WAC: variants seen among roughly 807,000 people sequenced by gnomAD.
The protein encoded by WAC is WW domain containing adaptor with coiled-coil, also known as WW domain-containing adapter protein with coiled-coil.
Under a neutral mutation model 79.6 loss-of-function variants are expected in WAC, and 11 were observed. The ratio of observed to expected loss-of-function variants is 0.14; its 90% CI spans 0.09 to 0.23. WAC has a LOEUF of 0.23. Ranked by LOEUF, WAC falls within the 10% of genes least tolerant of loss-of-function variation. WAC has a pLI of 1.00. For synonymous variants in WAC, 304 were observed against 276.9 expected (o/e 1.10, Z -0.97); for missense variants, 728 against 773.5 (o/e 0.94, Z 0.70).
chr10:28,575,334 A>G (rs1448412567), intron 3 of WAC, among the ~76,000 whole-genome samples: 2 of 152,060 alleles, frequency 1.3e-5, no homozygotes, highest in Non-Finnish European at 2.9e-5. Flanking sequence ...TTTTGTTTGT[A>G]TATATGATGT....
chr10:28,569,230 C>T (rs1312410458), intron 3 of WAC, among the ~76,000 whole-genome samples: 2 of 152,114 alleles, frequency 1.3e-5, no homozygotes, highest in Admixed American at 6.6e-5. Context: ...TAAAATAGTA[C>T]TGCAGTTTTT....
chr10:28,557,065 GT>G (rs56371219), intron 3 of WAC, among the ~76,000 whole-genome samples: 10 of 145,738 alleles, frequency 6.9e-5, no homozygotes, highest in South Asian at 2.2e-4. Flanking sequence ...AATTTTGGGA[GT>G]TTTTTTTTTT....
chr10:28,615,261 T>G (rs1841423367), intron 11 of WAC: 1 of 152,250 alleles, frequency 6.6e-6, no homozygotes, highest in African/African-American at 2.4e-5. Flanking sequence ...TTTTCCTGTT[T>G]TTTATTTCAT....
At chr10:28,569,004 G>T (rs1012597731) in intron 3 of WAC, among the ~76,000 whole-genome samples, 1 of 152,200 alleles carries the variant, frequency 6.6e-6, no homozygotes, top group Non-Finnish European at 1.5e-5. Context: ...CATTGTACAT[G>T]TGGAGTTGCT....
At chr10:28,576,238 C>G (rs187809527) in intron 3 of WAC, among the ~76,000 whole-genome samples, 2 of 152,096 alleles carry the variant, frequency 1.3e-5, no homozygotes, top group Non-Finnish European at 2.9e-5. Context: ...AATAATGTTA[C>G]GTGTAATTTT....
intron 13 of WAC, 155 bp downstream of exon 13, chr10:28,617,939 C>A: frequency 1.1e-6 from 1 of 892,426 alleles, no homozygotes. Context: ...GTTAATATTT[C>A]TCGTGAAGGA....
At chr10:28,579,897 A>G (rs1336155353) in intron 3 of WAC, among the ~76,000 whole-genome samples, 1 of 152,198 alleles carries the variant, frequency 6.6e-6, no homozygotes, top group Non-Finnish European at 1.5e-5. Context: ...GCATCTTTCT[A>G]GTTGGAATGT....
intron 3 of WAC, among the ~76,000 whole-genome samples, chr10:28,539,024 A>G (rs952323735): frequency 6.6e-5 from 10 of 152,148 alleles, no homozygotes; most frequent in African/African-American, 1.9e-4. Flanking sequence ...ACTGAATTCA[A>G]ATTTCCCAGT....
chr10:28,601,913 GTGT>G (rs1020687994), intron 7 of WAC, among the ~76,000 whole-genome samples: 26 of 152,284 alleles, frequency 1.7e-4, no homozygotes, highest in African/African-American at 6.3e-4. Flanking sequence ...GTGGGAGTGG[GTGT>G]TAAGTTTCTG....
At chr10:28,566,983 C>T (rs1271399913) in intron 3 of WAC, among the ~76,000 whole-genome samples, 2 of 147,946 alleles carry the variant, frequency 1.4e-5, no homozygotes, top group Non-Finnish European at 3.0e-5. Context: ...TTCAGTTTTG[C>T]ATATATTGGC....
chr10:28,540,746 A>G (rs1836964365), intron 3 of WAC, among the ~76,000 whole-genome samples: 1 of 152,204 alleles, frequency 6.6e-6, no homozygotes. Flanking sequence ...ATGCTTTGTG[A>G]TAATACTATG....
intron 3 of WAC, among the ~76,000 whole-genome samples, chr10:28,548,581 A>G (rs1837492733): frequency 6.6e-6 from 1 of 151,976 alleles, no homozygotes; most frequent in Admixed American, 6.6e-5. Context: ...TTGTGATTTT[A>G]TAACTGATTT....
At chr10:28,555,881 A>G (rs1322547421) in intron 3 of WAC, among the ~76,000 whole-genome samples, 2 of 152,124 alleles carry the variant, frequency 1.3e-5, no homozygotes, top group Non-Finnish European at 2.9e-5. Context: ...AGCTTCCAGA[A>G]CCACGAACTA....
Position 28,535,699 on chromosome 10 carries a change from C to T in WAC, c.216C>T (p.Ser72=). The T allele has an allele frequency of 6.2e-7, 1 of 1,614,004 alleles. No individual in the cohort carries two copies. Among genetic ancestry groups the T allele is most frequent in the South Asian group, 1.1e-5 (1 of 91,074 alleles). The change falls in exon 3 of 14, where the codon AGC becomes AGT. Residue 72 remains serine (S), a synonymous_variant. Coordinates refer to ENST00000354911, the MANE Select transcript of WAC (RefSeq NM_016628.5). ...SDSPENKYSD[S]TGHSKAKNVH... ...GTCCTGAAAACAAATACAGTGACAGCACAGGTCACAGTAAGGCCAAAAATG... is the reference window on the plus strand; with the variant it reads ...GTCCTGAAAACAAATACAGTGACAGTACAGGTCACAGTAAGGCCAAAAATG...
intron 3 of WAC, among the ~76,000 whole-genome samples, chr10:28,570,843 A>G (rs1288542958): frequency 6.6e-6 from 1 of 152,078 alleles, no homozygotes; most frequent in African/African-American, 2.4e-5. Context: ...AGCCAGCCAT[A>G]TAAGGAAAGA....
chr10:28,537,148 T>C (rs534720181), intron 3 of WAC, among the ~76,000 whole-genome samples: 3 of 152,240 alleles, frequency 2.0e-5, no homozygotes, highest in African/African-American at 4.8e-5. Context: ...CTCTATTGAA[T>C]GTAGTTATAG....
intron 3 of WAC, among the ~76,000 whole-genome samples, chr10:28,563,769 T>TTTTTTTTTTTA (rs1163758803): frequency 2.5e-5 from 3 of 120,554 alleles, no homozygotes; most frequent in Non-Finnish European, 5.7e-5. Context: ...TTTTTTTTTT[T>TTTTTTTTTTTA]TTTTGTATTT....
chr10:28,597,902 T>A (rs775318406), intron 7 of WAC, among the ~76,000 whole-genome samples: 3 of 152,174 alleles, frequency 2.0e-5, no homozygotes. Flanking sequence ...TAAAAATCTT[T>A]CGTGGAGATT....
intron 6 of WAC, among the ~76,000 whole-genome samples, chr10:28,593,695 G>A (rs181028928): frequency 6.7e-6 from 1 of 149,576 alleles, no homozygotes; most frequent in Admixed American, 6.7e-5. Flanking sequence ...TCAGTGAGGC[G>A]AGATTCATGC....
Sources: gnomAD v4.1 joint callset for allele counts (sites outside exome capture counted in the v4.1 genomes callset) on GRCh38, gnomAD v4.1.1 for gene constraint, MANE v1.5 for transcripts, NCBI Gene and HGNC (gene_info 2026-07-23, HGNC 2026-07-21) for gene names.